ZBTB7C: variants seen among roughly 807,000 people sequenced by gnomAD.
ZBTB7C encodes zinc finger and BTB domain containing 7C.
Under a neutral mutation model 25.7 loss-of-function variants are expected in ZBTB7C, and 8 were observed. The observed-to-expected ratio is 0.31, with a 90% confidence interval of 0.18 to 0.56. The LOEUF is 0.56. ZBTB7C is among the 20% of genes least tolerant of loss of function. The pLI, the probability that ZBTB7C is intolerant of heterozygous loss-of-function variation, is 0.91. For missense variants in ZBTB7C, 824 were observed against 855.2 expected (o/e 0.96, Z 0.46); for synonymous variants, 394 against 369.0 (o/e 1.07, Z -0.78).
chr18:48,409,373 C>G lies in ZBTB7C; in HGVS notation c.-451G>C, dbSNP rs1286111885. 16 of 148,134 alleles carry G rather than the reference C, an allele frequency of 1.1e-4. No individual in the cohort carries two copies. Among genetic ancestry groups the G allele is most frequent in the Non-Finnish European group, 1.4e-4 (9 of 66,464 alleles). 9.2% of individuals were successfully genotyped at this position (148,134 alleles called of 1,614,324 possible). On this transcript the variant is annotated 5_prime_UTR_variant, in exon 1 of 5. Transcript: ENST00000590800. ...GTCAGAGTCTCGTGGCGGGGCTGCG[C>G]CGGCGGGTATGGAGCTGAGCGGCGG...
At chr18:48,059,152 C>T (rs1401371365) in intron 3 of ZBTB7C, among the ~76,000 whole-genome samples, 2 of 152,104 alleles carry the variant, frequency 1.3e-5, no homozygotes, top group Non-Finnish European at 2.9e-5. Flanking sequence ...AACTCAACTC[C>T]TTTGGGAAGC....
intron 2 of ZBTB7C, among the ~76,000 whole-genome samples, chr18:48,211,281 T>C (rs375831002): frequency 3.9e-5 from 6 of 152,274 alleles, no homozygotes; most frequent in Admixed American, 2.0e-4. Context: ...TTGTGTATGA[T>C]GGTGACTTTT....
At chr18:48,315,674 C>T (rs2045930749) in intron 2 of ZBTB7C, among the ~76,000 whole-genome samples, 1 of 152,152 alleles carries the variant, frequency 6.6e-6, no homozygotes, top group Admixed American at 6.5e-5. Flanking sequence ...GGTGGCTCCT[C>T]ATGGGCGTGG....
chr18:48,387,137 A>G (rs2047766758), intron 1 of ZBTB7C, among the ~76,000 whole-genome samples: 1 of 152,252 alleles, frequency 6.6e-6, no homozygotes, highest in Admixed American at 6.5e-5. Flanking sequence ...ATATCATGTC[A>G]TGTTCAGGAA....
At chr18:48,068,936 G>A (rs1292010813) in intron 3 of ZBTB7C, among the ~76,000 whole-genome samples, 1 of 152,228 alleles carries the variant, frequency 6.6e-6, no homozygotes, top group Non-Finnish European at 1.5e-5. Flanking sequence ...GGAGAAACCA[G>A]CAGGACCCCA....
intron 2 of ZBTB7C, among the ~76,000 whole-genome samples, chr18:48,332,607 G>A (rs1051639187): frequency 2.0e-5 from 3 of 147,344 alleles, no homozygotes; most frequent in African/African-American, 5.0e-5. Flanking sequence ...CTACCATTCA[G>A]TTCCAAAATT....
chr18:48,028,040 T>C lies in ZBTB7C; in HGVS notation c.*1220A>G, dbSNP rs2035581831. ...CATCCCCAGAGGGAGGAGGAAGGGG[T>C]TGAGGGGGTTCTCACACAGCAAAGG... On this transcript the variant is annotated 3_prime_UTR_variant, in exon 5 of 5. Transcript: ENST00000590800. 1 of 150,170 alleles carries C rather than the reference T, an allele frequency of 6.7e-6. No homozygotes were observed. Among genetic ancestry groups the C allele is most frequent in the African/African-American group, 2.5e-5 (1 of 40,646 alleles). 9.3% of individuals were successfully genotyped at this position (150,170 alleles called of 1,614,324 possible).
At chr18:48,058,686 C>T (rs1426247380) in intron 3 of ZBTB7C, among the ~76,000 whole-genome samples, 2 of 152,210 alleles carry the variant, frequency 1.3e-5, no homozygotes, top group African/African-American at 4.8e-5. Flanking sequence ...GTGCAGTCCC[C>T]TCCTGCATTG....
chr18:48,171,763 G>A (rs527351201), intron 3 of ZBTB7C, among the ~76,000 whole-genome samples: 40 of 152,350 alleles, frequency 2.6e-4, no homozygotes, highest in African/African-American at 8.4e-4. Flanking sequence ...CCTGGGCTGG[G>A]CACTCTGACT....
At chr18:48,378,124 G>A (rs1207869485) in intron 1 of ZBTB7C, among the ~76,000 whole-genome samples, 1 of 152,174 alleles carries the variant, frequency 6.6e-6, no homozygotes, top group East Asian at 1.9e-4. Context: ...GGCAACAAGA[G>A]TGAAACTCCG....
intron 1 of ZBTB7C, among the ~76,000 whole-genome samples, chr18:48,390,153 A>G (rs2047865635): frequency 6.6e-6 from 1 of 152,230 alleles, no homozygotes; most frequent in Admixed American, 6.5e-5. Context: ...ATCTAACCAC[A>G]ATAGTAATAT....
In ZBTB7C at chr18:48,043,584, G is replaced by A. The variant is rs183012089; in HGVS notation, c.-16-2461C>T. On this transcript the variant is annotated intron_variant, in intron 3 of 4. Coordinates refer to ENST00000590800, the MANE Select transcript of ZBTB7C (RefSeq NM_001318841.2). ...GAGGGTTGCCAGGGACTAAGGAGGTGGTGGTGGTGGGAGGGAAGTGGGTGT... is the reference window on the plus strand; with the variant it reads ...GAGGGTTGCCAGGGACTAAGGAGGTAGTGGTGGTGGGAGGGAAGTGGGTGT... 9.2e-5 allele frequency among the ~76,000 whole-genome samples: 14 copies of A among 152,296 alleles called. No individual in the cohort carries two copies. The East Asian group carries it at 1.7e-3, about 19-fold the overall frequency.
chr18:48,366,800 G>A (rs1172757590), intron 1 of ZBTB7C, among the ~76,000 whole-genome samples: 5 of 152,242 alleles, frequency 3.3e-5, no homozygotes, highest in South Asian at 2.1e-4. Flanking sequence ...CTAAACCAGC[G>A]AGTGTATAAC....
At chr18:48,029,936 G>C in intron 4 of ZBTB7C, 25 bp from the exon 5 acceptor site, 1 of 1,608,390 alleles carries the variant, frequency 6.2e-7, no homozygotes, top group Non-Finnish European at 8.5e-7. Flanking sequence ...CTGGGGGTCA[G>C]TCCCGCAGGG....
intron 3 of ZBTB7C, among the ~76,000 whole-genome samples, chr18:48,115,636 C>A (rs963533763): frequency 6.6e-6 from 1 of 152,166 alleles, no homozygotes; most frequent in African/African-American, 2.4e-5. Context: ...GTTGTTTCTA[C>A]CTTTTGGCTA....
chr18:48,066,877 G>A (rs961817630), intron 3 of ZBTB7C, among the ~76,000 whole-genome samples: 35 of 152,168 alleles, frequency 2.3e-4, no homozygotes, highest in Non-Finnish European at 4.4e-4. Flanking sequence ...CAAGGCGGGC[G>A]GATTGCCTGA....
In ZBTB7C at chr18:48,247,468, A is replaced by T. The variant is rs575831665; in HGVS notation, c.-78-61473T>A. Among the ~76,000 whole-genome samples the T allele has an allele frequency of 2.6e-5, 4 of 152,312 alleles. No homozygotes were observed. In the East Asian group the frequency reaches 7.7e-4, roughly 29 times the overall value. On this transcript the variant is annotated intron_variant, in intron 2 of 4. Coordinates refer to ENST00000590800, the MANE Select transcript of ZBTB7C (RefSeq NM_001318841.2). ...TAAAAATATCCAGTGATCCTGTTAA[A>T]CTGTAAATCAGATGTCTGTTTCATG...
At chr18:48,110,773 C>A (rs1411099745) in intron 3 of ZBTB7C, among the ~76,000 whole-genome samples, 3 of 152,092 alleles carry the variant, frequency 2.0e-5, no homozygotes, top group African/African-American at 4.8e-5. Context: ...CACCAGCTGG[C>A]CCTGTCATGG....
chr18:48,170,820 C>G (rs368273363), intron 3 of ZBTB7C, among the ~76,000 whole-genome samples: 5 of 152,102 alleles, frequency 3.3e-5, no homozygotes, highest in Admixed American at 3.3e-4. Context: ...TCTGCACTGA[C>G]AGATGACCGA....
Sources: allele counts gnomAD v4.1 joint callset (sites outside exome capture counted in the v4.1 genomes callset), GRCh38; gene constraint gnomAD v4.1.1; transcripts MANE v1.5; gene names NCBI Gene and HGNC (gene_info 2026-07-23, HGNC 2026-07-21).